The following WFDC1 variants were observed in gnomAD, a reference collection of about 807,000 sequenced individuals.
The protein encoded by WFDC1 is WAP four-disulfide core domain 1.
In WFDC1, 39 loss-of-function variants were observed where a neutral mutation model predicts 32.9. The ratio of observed to expected loss-of-function variants is 1.19; its 90% CI spans 0.92 to 1.55. WFDC1 has a LOEUF of 1.55. Ranked by LOEUF, WFDC1 falls within the 40% of genes most tolerant of loss-of-function variation. The pLI is 0.00. For missense variants in WFDC1, 386 were observed against 309.5 expected, an observed-to-expected ratio of 1.25 and a Z score of -1.85; for synonymous variants, 184 against 137.4, an observed-to-expected ratio of 1.34 and a Z score of -2.37.
chr16:84,301,885 A>G lies in WFDC1; in HGVS notation c.144+6770A>G, dbSNP rs565626958. 5.9e-5 allele frequency among the ~76,000 whole-genome samples: 9 copies of G among 152,294 alleles called. No individual in the cohort carries two copies. The South Asian group carries it at 1.9e-3, about 32-fold the overall frequency. On this transcript the variant is annotated intron_variant, in intron 1 of 6. Coordinates refer to ENST00000219454, the MANE Select transcript of WFDC1 (RefSeq NM_021197.4). ...GGTGGAAATCAACGAGTAAAGAAGC[A>G]TCCCAGGTCCCTGTGTGGTTATCAC...
chr16:84,299,805 G>A (rs1292282716), intron 1 of WFDC1, among the ~76,000 whole-genome samples: 1 of 152,252 alleles, frequency 6.6e-6, no homozygotes, highest in East Asian at 1.9e-4. Flanking sequence ...GCCCAGAGAT[G>A]CCTGTCCTGC....
chr16:84,326,634 T>C, intron 5 of WFDC1: 1 of 486,946 alleles, frequency 2.1e-6, no homozygotes, highest in South Asian at 3.0e-5. Context: ...TCCCCAAAGC[T>C]GGAGTGTGTG....
intron 1 of WFDC1, among the ~76,000 whole-genome samples, chr16:84,301,767 G>T (rs1246902039): frequency 6.6e-6 from 1 of 152,200 alleles, no homozygotes; most frequent in Non-Finnish European, 1.5e-5. Context: ...AAAAGTCCAT[G>T]AATAGCTGAC....
At position 84,313,025 on chromosome 16, in the gene WFDC1, C is replaced by CCG; in HGVS notation, c.209_210insCG (p.Arg71GlyfsTer36). On this transcript the variant is annotated frameshift_variant, in exon 2 of 7. Coordinates refer to ENST00000219454, the MANE Select transcript of WFDC1 (RefSeq NM_021197.4). LOFTEE classifies it high-confidence loss of function. ...CGAGCAGACCGCTGCCCGCCGCCTC[C>CCG]GCGGACGCTGCCCCCCGGCGCCTGC... 7.5e-7 allele frequency: 1 copy of CCG among 1,327,070 alleles called. No homozygotes were observed. Among genetic ancestry groups the CCG allele is most frequent in the Non-Finnish European group, 9.6e-7 (1 of 1,040,814 alleles). The allele number at this position is 1,327,070 out of a possible 1,614,324, so 82.2% of individuals were successfully genotyped here.
In WFDC1 at chr16:84,319,996, C is replaced by T. The variant is rs750870205; in HGVS notation, c.562+425C>T. The stretch of plus-strand genomic sequence containing the variant: ...GTAAGCACTGGATGTTTTATATCCA[C>T]GTATGTGTAGATGGACCCCGACTTA... On this transcript the variant is annotated intron_variant, in intron 4 of 6. Coordinates refer to ENST00000219454, the MANE Select transcript of WFDC1 (RefSeq NM_021197.4). Among the ~76,000 whole-genome samples the T allele has an allele frequency of 3.9e-5, 6 of 152,270 alleles. 1 individual carries two copies. In the South Asian group the frequency reaches 1.0e-3, roughly 26 times the overall value.
At chr16:84,299,645 G>A (rs543505009) in intron 1 of WFDC1, among the ~76,000 whole-genome samples, 306 of 152,356 alleles carry the variant, frequency 2.0e-3, no homozygotes, top group Admixed American at 5.4e-3. Flanking sequence ...TCCACCGGGT[G>A]GGGCCCATGG....
At position 84,323,874 on chromosome 16, in the gene WFDC1, A is replaced by C. The variant is rs950812863; in HGVS notation, c.563-545A>C. On this transcript the variant is annotated intron_variant, in intron 4 of 6. Transcript: ENST00000219454. ...GGCGGCTCACGCCTGTAATCCCAGC[A>C]CTTTGGCAGGCTGAGGTGGGTGAAT... is the stretch of plus-strand genomic sequence containing the variant. 9.2e-5 allele frequency among the ~76,000 whole-genome samples: 14 copies of C among 152,360 alleles called. No homozygotes were observed. The East Asian group carries it at 1.9e-3, about 21-fold the overall frequency.
At chr16:84,309,409 C>G (rs1907475003) in intron 1 of WFDC1, among the ~76,000 whole-genome samples, 1 of 152,058 alleles carries the variant, frequency 6.6e-6, no homozygotes, top group South Asian at 2.1e-4. Context: ...TTCATAAAGC[C>G]TCTTTGGGCT....
rs1033357026 is a variant in WFDC1, at chr16:84,320,342, C to T, written c.562+771C>T. Among the ~76,000 whole-genome samples, 3 of 152,146 alleles carry T rather than the reference C, an allele frequency of 2.0e-5. No individual in the cohort carries two copies. In the South Asian group the frequency reaches 6.2e-4, roughly 31 times the overall value. ...TAGGGGGTATATCAGTACATAACTC[C>T]ATTGTAAGTCAAGAAGCATCTGTAT... On this transcript the variant is annotated intron_variant, in intron 4 of 6. Coordinates refer to ENST00000219454, the MANE Select transcript of WFDC1 (RefSeq NM_021197.4).
chr16:84,319,312 G>A (rs1006493427), intron 3 of WFDC1, 119 bp from the exon 4 acceptor site: 27 of 1,418,262 alleles, frequency 1.9e-5, no homozygotes, highest in Admixed American at 4.3e-5. Flanking sequence ...AGGCGAGGCC[G>A]CCTCTCTGGG....
chr16:84,317,392 A>T (rs1395150174), intron 2 of WFDC1: 1 of 152,178 alleles, frequency 6.6e-6, no homozygotes, highest in Non-Finnish European at 1.5e-5. Flanking sequence ...AAAATAAAAC[A>T]GTCTGGGAGC....
intron 1 of WFDC1, among the ~76,000 whole-genome samples, chr16:84,308,315 C>A (rs1260437833): frequency 6.6e-6 from 1 of 152,120 alleles, no homozygotes; most frequent in Non-Finnish European, 1.5e-5. Flanking sequence ...ACCTGGTGCC[C>A]CCTGCAGGGC....
Position 84,314,686 on chromosome 16 carries a change from A to G in WFDC1, c.337+1533A>G, listed in dbSNP as rs529497362. ...ATTTCAGTACTGCCTCTGGGCAGGAACTGGCCGCTGCTCCAGGCCAGGCAG... is the reference window on the plus strand; with the variant it reads ...ATTTCAGTACTGCCTCTGGGCAGGAGCTGGCCGCTGCTCCAGGCCAGGCAG... On this transcript the variant is annotated intron_variant, in intron 2 of 6. Coordinates refer to ENST00000219454, the MANE Select transcript of WFDC1 (RefSeq NM_021197.4). Among the ~76,000 whole-genome samples the G allele has an allele frequency of 2.6e-5, 4 of 152,360 alleles. No homozygotes were observed. The South Asian group carries it at 8.3e-4, about 32-fold the overall frequency.
intron 4 of WFDC1, among the ~76,000 whole-genome samples, chr16:84,322,288 A>G (rs1490466122): frequency 6.6e-6 from 1 of 151,976 alleles, no homozygotes; most frequent in Non-Finnish European, 1.5e-5. Flanking sequence ...ACTTAGCAAT[A>G]ATTACTGGTA....
intron 1 of WFDC1, among the ~76,000 whole-genome samples, chr16:84,299,736 GT>G (rs1190542746): frequency 6.6e-6 from 1 of 152,222 alleles, no homozygotes; most frequent in Non-Finnish European, 1.5e-5. Flanking sequence ...CTGTGGGTCT[GT>G]TTTCCCCTCT....
intron 1 of WFDC1, among the ~76,000 whole-genome samples, chr16:84,311,591 CG>C (rs1567656935): frequency 7.2e-6 from 1 of 138,020 alleles, no homozygotes; most frequent in African/African-American, 2.8e-5. Flanking sequence ...GGGAGTAGTG[CG>C]ATCACAGCTC....
chr16:84,302,129 C>A (rs1906976054), intron 1 of WFDC1, among the ~76,000 whole-genome samples: 1 of 152,064 alleles, frequency 6.6e-6, no homozygotes, highest in Non-Finnish European at 1.5e-5. Flanking sequence ...GGGTGTGTGA[C>A]ACTGTTTGGA....
chr16:84,319,209 A>G lies in WFDC1; in HGVS notation c.422-222A>G, dbSNP rs939619367. On this transcript the variant is annotated intron_variant, in intron 3 of 6. Coordinates refer to ENST00000219454, the MANE Select transcript of WFDC1 (RefSeq NM_021197.4). ...TATGTTTGGGATCAGGTGAGCTTGG[A>G]CTGCCTGTGTTTGTGTGCGTGTTTG... The G allele has an allele frequency of 1.2e-4, 68 of 567,966 alleles. No individual in the cohort carries two copies. The African/African-American group carries it at 1.2e-3, about 10-fold the overall frequency. 35.2% of individuals were successfully genotyped at this position (567,966 alleles called of 1,614,324 possible).
intron 1 of WFDC1, among the ~76,000 whole-genome samples, chr16:84,303,943 C>A (rs1907095292): frequency 6.6e-6 from 1 of 152,202 alleles, no homozygotes; most frequent in African/African-American, 2.4e-5. Flanking sequence ...TGGTGTCTGG[C>A]TTATTCACAC....
Sources: allele counts gnomAD v4.1 joint callset (sites outside exome capture counted in the v4.1 genomes callset), GRCh38; gene constraint gnomAD v4.1.1; transcripts MANE v1.5; gene names NCBI Gene and HGNC (gene_info 2026-07-23, HGNC 2026-07-21).